The following GLCCI1 variants were observed in gnomAD, a reference collection of about 807,000 sequenced individuals.
The protein encoded by GLCCI1 is glucocorticoid induced 1, also known as glucocorticoid-induced transcript 1 protein.
Under a neutral mutation model 52.2 loss-of-function variants are expected in GLCCI1, and 24 were observed. That is an observed-to-expected ratio of 0.46 (90% CI 0.33 to 0.65). GLCCI1 has a LOEUF of 0.65. Among genes scored for constraint, GLCCI1 ranks in the 30% least tolerant of loss-of-function variants. The pLI, the probability that GLCCI1 is intolerant of heterozygous loss-of-function variation, is 0.02. For synonymous variants in GLCCI1, 310 were observed against 276.5 expected, an observed-to-expected ratio of 1.12 and a Z score of -1.20; for missense variants, 704 against 701.5, an observed-to-expected ratio of 1.00 and a Z score of -0.04.
intron 1 of GLCCI1, among the ~76,000 whole-genome samples, chr7:7,999,592 C>G (rs1781012886): frequency 1.3e-5 from 2 of 151,358 alleles, no homozygotes. Context: ...GGGCAGGTGA[C>G]AGAGCAATAC....
In GLCCI1 at chr7:7,994,371, G is replaced by T. The variant is rs929372626; in HGVS notation, c.458-9537G>T. 2.0e-5 allele frequency among the ~76,000 whole-genome samples: 3 copies of T among 152,246 alleles called. No individual in the cohort carries two copies. In the South Asian group the frequency reaches 6.2e-4, roughly 32 times the overall value. Reference sequence around the variant, plus strand: ...AAATCTAAATTTAACTTACATATTAGAGCAGTCTGATTTAATTTTACTTTG... The same window carrying T: ...AAATCTAAATTTAACTTACATATTATAGCAGTCTGATTTAATTTTACTTTG... On this transcript the variant is annotated intron_variant, in intron 1 of 7. Transcript: ENST00000223145.
Position 8,051,769 on chromosome 7 carries a change from A to G in GLCCI1, c.697-3664A>G, listed in dbSNP as rs148667761. Among the ~76,000 whole-genome samples the G allele has an allele frequency of 5.6e-3, 858 of 152,290 alleles. 4 individuals carry two copies. Among genetic ancestry groups the G allele is most frequent in the African/African-American group, 0.019 (799 of 41,550 alleles). On this transcript the variant is annotated intron_variant, in intron 3 of 7. Coordinates refer to ENST00000223145, the MANE Select transcript of GLCCI1 (RefSeq NM_138426.4). Reference sequence around the variant, plus strand: ...TTTTATGCATATTGACCATTTGGATATTCTCTTTGGCTAAGTACCTGTTCA... The same window carrying G: ...TTTTATGCATATTGACCATTTGGATGTTCTCTTTGGCTAAGTACCTGTTCA...
chr7:8,023,323 A>AAAAAT (rs1169440066), intron 3 of GLCCI1, among the ~76,000 whole-genome samples: 3 of 152,140 alleles, frequency 2.0e-5, no homozygotes, highest in Non-Finnish European at 4.4e-5. Flanking sequence ...AATGATATCC[A>AAAAAT]GCATATTGTT....
At chr7:8,083,871 A>T (rs1783046588) in intron 6 of GLCCI1, among the ~76,000 whole-genome samples, 1 of 152,230 alleles carries the variant, frequency 6.6e-6, no homozygotes, top group South Asian at 2.1e-4. Context: ...CATTCTTATT[A>T]GTCAGATTTT....
chr7:8,002,554 G>T (rs919740868), intron 1 of GLCCI1, among the ~76,000 whole-genome samples: 1 of 152,136 alleles, frequency 6.6e-6, no homozygotes, highest in African/African-American at 2.4e-5. Flanking sequence ...GCAGTTCTAA[G>T]CTATTATCTG....
intron 3 of GLCCI1, among the ~76,000 whole-genome samples, chr7:8,034,604 A>T (rs571997724): frequency 1.3e-5 from 2 of 152,356 alleles, no homozygotes; most frequent in East Asian, 1.9e-4. Context: ...GAGACATCAG[A>T]CACCACTTCT....
At chr7:8,022,452 C>A in intron 2 of GLCCI1, 31 bp from the exon 3 acceptor site, 1 of 1,223,338 alleles carries the variant, frequency 8.2e-7, no homozygotes, top group Non-Finnish European at 1.1e-6. Flanking sequence ...GATAAAATTT[C>A]TTATTTTATT....
chr7:7,971,408 G>T lies in GLCCI1; in HGVS notation c.457+1601G>T, dbSNP rs530477542. Among the ~76,000 whole-genome samples the T allele has an allele frequency of 3.3e-5, 5 of 152,284 alleles. No homozygotes were observed. In the South Asian group the frequency reaches 1.0e-3, roughly 32 times the overall value. On this transcript the variant is annotated intron_variant, in intron 1 of 7. Coordinates refer to ENST00000223145, the MANE Select transcript of GLCCI1 (RefSeq NM_138426.4). ...TGTATGAAATGAGAAGTAACAGAAC[G>T]AACAGAAAACAGTTACATAAATTTT... is the stretch of plus-strand genomic sequence containing the variant.
At chr7:7,986,702 T>C (rs1042196105) in intron 1 of GLCCI1, among the ~76,000 whole-genome samples, 3 of 152,212 alleles carry the variant, frequency 2.0e-5, no homozygotes, top group Admixed American at 6.5e-5. Flanking sequence ...ATTGAATGAT[T>C]TAAATTTACA....
chr7:7,979,606 A>C (rs1343946873), intron 1 of GLCCI1, among the ~76,000 whole-genome samples: 1 of 152,150 alleles, frequency 6.6e-6, no homozygotes, highest in Admixed American at 6.5e-5. Context: ...ATATTATACT[A>C]TAGTTTAGCC....
chr7:8,037,562 A>G (rs1781894794), intron 3 of GLCCI1, among the ~76,000 whole-genome samples: 1 of 152,188 alleles, frequency 6.6e-6, no homozygotes, highest in Admixed American at 6.5e-5. Context: ...AATTCTGAAC[A>G]TAAATGGGTT....
chr7:8,041,065 C>G (rs570969311), intron 3 of GLCCI1, among the ~76,000 whole-genome samples: 212 of 152,214 alleles, frequency 1.4e-3, no homozygotes, highest in African/African-American at 4.7e-3. Flanking sequence ...CTCTTGCACC[C>G]AAATAACCAA....
chr7:8,080,621 G>A (rs1226396523), intron 6 of GLCCI1, among the ~76,000 whole-genome samples: 1 of 151,302 alleles, frequency 6.6e-6, no homozygotes, highest in Non-Finnish European at 1.5e-5. Flanking sequence ...AATTGTATCT[G>A]TATGTACCGG....
intron 6 of GLCCI1, among the ~76,000 whole-genome samples, chr7:8,081,249 T>C (rs112914248): frequency 2.6e-5 from 4 of 152,306 alleles, no homozygotes; most frequent in African/African-American, 9.6e-5. Context: ...TAAATCAGAA[T>C]ATTTCAGGAA....
At chr7:8,042,526 A>C (rs1254116060) in intron 3 of GLCCI1, among the ~76,000 whole-genome samples, 2 of 152,232 alleles carry the variant, frequency 1.3e-5, no homozygotes, top group African/African-American at 2.4e-5. Context: ...TAGAAGTGGA[A>C]CATGGGCTGG....
chr7:8,088,419 A>G lies in GLCCI1; in HGVS notation c.*1881A>G, dbSNP rs1783166072. 6.6e-6 allele frequency: 1 copy of G among 152,518 alleles called. No homozygotes were observed. The highest frequency in any genetic ancestry group is 2.4e-5 in the African/African-American group (1 of 41,392). The allele number at this position is 152,518 out of a possible 1,614,324, so 9.4% of individuals were successfully genotyped here. On this transcript the variant is annotated 3_prime_UTR_variant, in exon 8 of 8. Coordinates refer to ENST00000223145, the MANE Select transcript of GLCCI1 (RefSeq NM_138426.4). Reference sequence around the variant, plus strand: ...TGTCATGGAAAAAAGGACTCAGTTTACTTTCGTCATTTTCACAGGGGAACC... The same window carrying G: ...TGTCATGGAAAAAAGGACTCAGTTTGCTTTCGTCATTTTCACAGGGGAACC...
intron 2 of GLCCI1, among the ~76,000 whole-genome samples, chr7:8,011,802 G>A (rs1021348604): frequency 1.3e-5 from 2 of 151,244 alleles, no homozygotes; most frequent in African/African-American, 4.9e-5. Context: ...TGTTGTTGTT[G>A]TTGTTGTTTT....
intron 2 of GLCCI1, among the ~76,000 whole-genome samples, chr7:8,007,499 G>A (rs1217976854): frequency 6.6e-6 from 1 of 152,096 alleles, no homozygotes; most frequent in Non-Finnish European, 1.5e-5. Context: ...TGCCTCACAA[G>A]CATAAGAAAT....
intron 1 of GLCCI1, among the ~76,000 whole-genome samples, chr7:7,978,587 A>T (rs1193698054): frequency 6.6e-6 from 1 of 152,150 alleles, no homozygotes; most frequent in African/African-American, 2.4e-5. Context: ...TAATGTGGAA[A>T]CGATTTTCTT....
Sources: gnomAD v4.1 joint callset for allele counts (sites outside exome capture counted in the v4.1 genomes callset) on GRCh38, gnomAD v4.1.1 for gene constraint, MANE v1.5 for transcripts, NCBI Gene and HGNC (gene_info 2026-07-23, HGNC 2026-07-21) for gene names.